Variants in BRWD1 observed in about 807,000 individuals in gnomAD.
BRWD1 encodes bromodomain and WD repeat-containing protein 1.
A neutral mutation model predicts 251.2 loss-of-function variants in BRWD1; 82 were observed. The ratio of observed to expected loss-of-function variants is 0.33; its 90% CI spans 0.27 to 0.39. The LOEUF is 0.39. Among genes scored for constraint, BRWD1 ranks in the 10% least tolerant of loss-of-function variants. The probability of loss-of-function intolerance (pLI) is 1.00; values close to 1 mark genes in which losing one functional copy is unlikely to be tolerated. For synonymous variants in BRWD1, 918 were observed against 902.8 expected (o/e 1.02, Z -0.30); for missense variants, 2,233 against 2,711.6 (o/e 0.82, Z 3.92).
At chr21:39,282,883 T>C (rs781571796) in intron 8 of BRWD1, among the ~76,000 whole-genome samples, 3 of 147,800 alleles carry the variant, frequency 2.0e-5, no homozygotes, top group Non-Finnish European at 4.4e-5. Flanking sequence ...CGCTTGAACC[T>C]GGAAGGCAGA....
At position 39,196,229 on chromosome 21, in the gene BRWD1, C is replaced by A; in HGVS notation, c.*30G>T. 1 of 1,517,664 alleles carries A rather than the reference C, an allele frequency of 6.6e-7. No individual in the cohort carries two copies. Among genetic ancestry groups the A allele is most frequent in the South Asian group, 1.4e-5 (1 of 73,074 alleles). The allele number at this position is 1,517,664 out of a possible 1,614,324, so 94.0% of individuals were successfully genotyped here. ...TTTCACCATAAATGCCAGTCCATTT[C>A]CTCTTAAATGAACTGGCTTTCCCTC... On this transcript the variant is annotated 3_prime_UTR_variant, in exon 41 of 41. Transcript: ENST00000342449.
chr21:39,269,838 T>C, intron 15 of BRWD1, 61 bp downstream of exon 15: 2 of 1,336,798 alleles, frequency 1.5e-6, no homozygotes, highest in East Asian at 2.7e-5. Flanking sequence ...CTAAGCCGCA[T>C]AACCCAAATA....
chr21:39,315,804 G>A (rs2036692295), upstream of BRWD1: 1 of 152,070 alleles, frequency 6.6e-6, no homozygotes, highest in African/African-American at 2.4e-5. Context: ...GCGTCTCTTA[G>A]GGGAAACAGA....
At chr21:39,260,449 T>C (rs2034705314) in intron 17 of BRWD1, among the ~76,000 whole-genome samples, 1 of 152,340 alleles carries the variant, frequency 6.6e-6, no homozygotes, top group Admixed American at 6.5e-5. Flanking sequence ...CTAACTTTTC[T>C]TTCATAGCAC....
intron 36 of BRWD1, among the ~76,000 whole-genome samples, chr21:39,207,975 T>TA (rs1459892151): frequency 1.3e-5 from 2 of 152,166 alleles, no homozygotes; most frequent in African/African-American, 2.4e-5. Context: ...CACCGAAAGT[T>TA]AGAGGTTTCC....
chr21:39,238,671 C>A (rs2033893133), intron 21 of BRWD1, 98 bp from the exon 22 acceptor site: 1 of 763,354 alleles, frequency 1.3e-6, no homozygotes. Flanking sequence ...AAGATTAAAT[C>A]ATCTAAGAAA....
intron 25 of BRWD1, among the ~76,000 whole-genome samples, chr21:39,230,658 C>A (rs1426626574): frequency 2.6e-5 from 4 of 152,148 alleles, no homozygotes; most frequent in African/African-American, 9.7e-5. Context: ...ACATCTCAGC[C>A]TTCTAGCACT....
chr21:39,211,047 AAC>A (rs2032634729), intron 34 of BRWD1, 118 bp from the exon 35 acceptor site: 6 of 1,037,848 alleles, frequency 5.8e-6, no homozygotes, highest in Non-Finnish European at 8.0e-6. Context: ...TGTTGCTCTC[AAC>A]ACATTTTTCC....
intron 15 of BRWD1, among the ~76,000 whole-genome samples, chr21:39,268,969 C>A (rs1044304103): frequency 6.6e-6 from 1 of 151,800 alleles, no homozygotes; most frequent in Non-Finnish European, 1.5e-5. Flanking sequence ...GCCTGGGCGA[C>A]AGAGCGAGAC....
chr21:39,277,278 T>C lies in BRWD1; in HGVS notation c.1077A>G (p.Glu359=). Residue 359 remains glutamate, a synonymous_variant, in exon 11 of 41, where the codon GAA becomes GAG. Transcript: ENST00000342449. The part of the protein sequence containing the change: ...RMYFLGFEAP[E]KIAELESHTD... ...TGTGGCTTTCAAGTTCTGCGATTTT[T>C]TCGGGTGCTTCAAAACCCAAAAAAT... 6.2e-7 allele frequency: 1 copy of C among 1,611,436 alleles called. No individual in the cohort carries two copies. The highest frequency in any genetic ancestry group is 1.7e-5 in the Admixed American group (1 of 59,734).
chr21:39,283,667 G>A (rs1164461563), intron 8 of BRWD1, among the ~76,000 whole-genome samples: 1 of 152,150 alleles, frequency 6.6e-6, no homozygotes. Flanking sequence ...AGTTTTAAGA[G>A]TTGCGATTTG....
Position 39,236,676 on chromosome 21 carries a change from T to G in BRWD1, c.2685A>C (p.Ser895=). ...AATTCTCAGTAGATATTTCATCTTCTGAACTACTACAAAATCGAGTAATTC... is the reference window on the plus strand; with the variant it reads ...AATTCTCAGTAGATATTTCATCTTCGGAACTACTACAAAATCGAGTAATTC... ...RRRITRFCSS[S]EDEISTENLS... is the part of the protein sequence containing the mutation. Residue 895 remains serine, a synonymous_variant, in exon 23 of 41, where the codon TCA becomes TCC. Transcript: ENST00000342449. The G allele has an allele frequency of 6.2e-7, 1 of 1,614,020 alleles. No homozygotes were observed. The highest frequency in any genetic ancestry group is 8.5e-7 in the Non-Finnish European group (1 of 1,179,858).
chr21:39,300,368 A>C (rs534078184), intron 4 of BRWD1, among the ~76,000 whole-genome samples: 1 of 152,350 alleles, frequency 6.6e-6, no homozygotes, highest in East Asian at 1.9e-4. Flanking sequence ...CAACCTAAAA[A>C]GTTGGCAGTC....
intron 3 of BRWD1, 82 bp from the exon 4 acceptor site, chr21:39,312,982 GGGCGGC>G: frequency 1.0e-6 from 1 of 964,532 alleles, no homozygotes. Context: ...GGCGGGCGGC[GGGCGGC>G]GGGCGGGGGG....
chr21:39,311,289 T>G (rs1354930481), intron 4 of BRWD1, among the ~76,000 whole-genome samples: 1 of 151,994 alleles, frequency 6.6e-6, no homozygotes, highest in Non-Finnish European at 1.5e-5. Flanking sequence ...CGCCTCAGCC[T>G]CCGAAATAGC....
chr21:39,187,269 AT>A lies in BRWD1; in HGVS notation c.*8989del, dbSNP rs1286695109. On this transcript the variant is annotated 3_prime_UTR_variant, in exon 41 of 41. Coordinates refer to ENST00000342449, the MANE Select transcript of BRWD1 (RefSeq NM_033656.4). ...TTAGATTACTCATTATCTTTATTTT[AT>A]TTGCAGCAACAGTAGCACATCTGCG... is the stretch of plus-strand genomic sequence containing the variant. 1 of 1,613,594 alleles carries A rather than the reference AT, an allele frequency of 6.2e-7. No individual in the cohort carries two copies.
rs1199770729 is a variant in BRWD1, at chr21:39,186,153, T to C, written c.*10106A>G. The C allele has an allele frequency of 6.6e-6, 1 of 152,190 alleles. No homozygotes were observed. Among genetic ancestry groups the C allele is most frequent in the Non-Finnish European group, 1.5e-5 (1 of 68,022 alleles). The allele number at this position is 152,190 out of a possible 1,614,324, so 9.4% of individuals were successfully genotyped here. A position where few individuals can be genotyped will look rare whatever the true frequency, so the allele number is the denominator to read the frequency against. On this transcript the variant is annotated 3_prime_UTR_variant, in exon 41 of 41. Transcript: ENST00000342449. ...CACTGTATCTAAAAATATGACTGTT[T>C]TGATCTTAAGCTATACATTTTATTT... is the stretch of plus-strand genomic sequence containing the variant.
intron 36 of BRWD1, among the ~76,000 whole-genome samples, chr21:39,209,175 C>A (rs2032545754): frequency 6.6e-6 from 1 of 152,040 alleles, no homozygotes; most frequent in South Asian, 2.1e-4. Context: ...TTTGCACACG[C>A]AACCCATCAG....
rs2031486563 is a variant in BRWD1 at position 39,190,313 on chromosome 21, A to G, written c.*5946T>C. On this transcript the variant is annotated 3_prime_UTR_variant, in exon 41 of 41. Coordinates refer to ENST00000342449, the MANE Select transcript of BRWD1 (RefSeq NM_033656.4). ...AAAACTGTTTTCCTAAATTCAAAGT[A>G]AACTGCATATGGTTACTACAGAAGC... 8 of 985,086 alleles carry G rather than the reference A, an allele frequency of 8.1e-6. No individual in the cohort carries two copies. The highest frequency in any genetic ancestry group is 9.6e-6 in the Non-Finnish European group (8 of 829,634). The allele number at this position is 985,086 out of a possible 1,614,324, so 61.0% of individuals were successfully genotyped here. A position where few individuals can be genotyped will look rare whatever the true frequency, so the allele number is the denominator to read the frequency against.
Sources: allele counts gnomAD v4.1 joint callset (sites outside exome capture counted in the v4.1 genomes callset), GRCh38; gene constraint gnomAD v4.1.1; transcripts MANE v1.5; gene names NCBI Gene and HGNC (gene_info 2026-07-23, HGNC 2026-07-21).